The following ZNF892 variants were observed in gnomAD, a reference collection of about 807,000 sequenced individuals.
ZNF892 encodes the protein zinc finger protein 892.
At chr2:95,222,922 G>T in the ZNF892 span, among the ~76,000 whole-genome samples, 2 of 152,128 alleles carry the variant, frequency 1.3e-5, no homozygotes, top group Non-Finnish European at 2.9e-5. Context: ...TTTATATAAG[G>T]TGTTAAATAA....
chr2:95,212,076 T>C, the ZNF892 span: 2 of 397,004 alleles, frequency 5.0e-6, no homozygotes, highest in Non-Finnish European at 8.9e-6. Flanking sequence ...TCGTGAACAC[T>C]GTTGAGGAAG....
chr2:95,211,186 T>C, the ZNF892 span, among the ~76,000 whole-genome samples: 3 of 152,114 alleles, frequency 2.0e-5, no homozygotes, highest in Non-Finnish European at 4.4e-5. Flanking sequence ...GATTTCATTC[T>C]TAGGAAAACT....
At chr2:95,252,528 T>C in the ZNF892 span, among the ~76,000 whole-genome samples, 1 of 152,204 alleles carries the variant, frequency 6.6e-6, no homozygotes, top group African/African-American at 2.4e-5. Context: ...CTATTGTGAA[T>C]AGTGCCACAA....
At chr2:95,218,127 G>A in the ZNF892 span, among the ~76,000 whole-genome samples, 1 of 152,144 alleles carries the variant, frequency 6.6e-6, no homozygotes, top group African/African-American at 2.4e-5. Context: ...TCCTGGGGCT[G>A]CTAAACCCAT....
At chr2:95,213,646 T>C in the ZNF892 span, among the ~76,000 whole-genome samples, 3 of 152,176 alleles carry the variant, frequency 2.0e-5, no homozygotes, top group Non-Finnish European at 4.4e-5. Flanking sequence ...TTGCTGGGTC[T>C]AGGGTGATGG....
At chr2:95,215,682 T>G in the ZNF892 span, 2 of 397,796 alleles carry the variant, frequency 5.0e-6, no homozygotes, top group Non-Finnish European at 8.9e-6. Flanking sequence ...ACAAAGAAAT[T>G]TAAGACTGTG....
chr2:95,259,612 A>G, the ZNF892 span: 1 of 152,284 alleles, frequency 6.6e-6, no homozygotes, highest in Admixed American at 6.5e-5. Flanking sequence ...AGGAAAGTGA[A>G]CATGGAGCAT....
chr2:95,221,725 A>G, the ZNF892 span, among the ~76,000 whole-genome samples: 7 of 152,138 alleles, frequency 4.6e-5, no homozygotes, highest in African/African-American at 1.7e-4. Flanking sequence ...CTCTCTTGGT[A>G]ATGTTTCTAG....
chr2:95,218,072 T>G, the ZNF892 span, among the ~76,000 whole-genome samples: 1 of 152,210 alleles, frequency 6.6e-6, no homozygotes, highest in Non-Finnish European at 1.5e-5. Context: ...TAGTGCCAGG[T>G]GGCTGTGTTT....
the ZNF892 span, among the ~76,000 whole-genome samples, chr2:95,243,235 C>T: frequency 6.6e-6 from 1 of 152,166 alleles, no homozygotes; most frequent in Non-Finnish European, 1.5e-5. Context: ...CTTGGCCTCC[C>T]AAAGTGCCGA....
chr2:95,218,664 A>G, the ZNF892 span, among the ~76,000 whole-genome samples: 2 of 152,172 alleles, frequency 1.3e-5, no homozygotes, highest in Non-Finnish European at 2.9e-5. Flanking sequence ...TTGGTCTGCC[A>G]TAACAAAAAT....
the ZNF892 span, among the ~76,000 whole-genome samples, chr2:95,223,899 C>T: frequency 2.6e-5 from 4 of 152,118 alleles, no homozygotes; most frequent in African/African-American, 9.7e-5. Context: ...AATCCTAACC[C>T]CTAAGGTGAT....
At chr2:95,260,637 C>T in the ZNF892 span, among the ~76,000 whole-genome samples, 2 of 152,204 alleles carry the variant, frequency 1.3e-5, no homozygotes, top group Non-Finnish European at 2.9e-5. Context: ...AGCCAGTCTC[C>T]TGGGTTCTCA....
At chr2:95,249,403 G>T in the ZNF892 span, among the ~76,000 whole-genome samples, 3 of 148,050 alleles carry the variant, frequency 2.0e-5, no homozygotes, top group Non-Finnish European at 3.0e-5. Flanking sequence ...ACCACTCCTG[G>T]CTATTTTTTT....
the ZNF892 span, among the ~76,000 whole-genome samples, chr2:95,223,955 C>T: frequency 2.0e-5 from 3 of 152,182 alleles, no homozygotes; most frequent in South Asian, 2.1e-4. Flanking sequence ...GTCAAGAGGG[C>T]ATAGCCCTCA....
the ZNF892 span, among the ~76,000 whole-genome samples, chr2:95,244,057 C>T: frequency 2.8e-4 from 43 of 151,048 alleles, 1 homozygote; most frequent in Admixed American, 2.6e-3. Context: ...ACCCTGTGCT[C>T]TCTGAAACAT....
chr2:95,210,215 A>G, the ZNF892 span, among the ~76,000 whole-genome samples: 1 of 147,156 alleles, frequency 6.8e-6, no homozygotes, highest in Non-Finnish European at 1.5e-5. Flanking sequence ...ATATGTGTAT[A>G]TATGTATATA....
At chr2:95,243,480 T>C in the ZNF892 span, among the ~76,000 whole-genome samples, 1 of 148,654 alleles carries the variant, frequency 6.7e-6, no homozygotes. Flanking sequence ...GTCTGAGATG[T>C]GGGGAGCGCC....
At chr2:95,214,598 A>G in the ZNF892 span, 7 of 399,082 alleles carry the variant, frequency 1.8e-5, no homozygotes, top group Admixed American at 2.2e-4. Flanking sequence ...TTCAGCAGCA[A>G]GGAGAGAGAC....
Sources: gnomAD v4.1 joint callset for allele counts (sites outside exome capture counted in the v4.1 genomes callset) on GRCh38, gnomAD v4.1.1 for gene constraint, MANE v1.5 for transcripts, NCBI Gene and HGNC (gene_info 2026-07-23, HGNC 2026-07-21) for gene names.